The following MYT1 variants were observed in gnomAD, a reference collection of about 807,000 sequenced individuals.
The protein encoded by MYT1 is myelin transcription factor I.
Under a neutral mutation model 123.0 loss-of-function variants are expected in MYT1, and 23 were observed. The ratio of observed to expected loss-of-function variants is 0.19; its 90% CI spans 0.13 to 0.26. The LOEUF is 0.26. Among genes scored for constraint, MYT1 ranks in the 10% least tolerant of loss-of-function variants. The pLI, the probability that MYT1 is intolerant of heterozygous loss-of-function variation, is 1.00. For synonymous variants in MYT1, 518 were observed against 575.3 expected (o/e 0.90, Z 1.43); for missense variants, 1,125 against 1,472.5 (o/e 0.76, Z 3.86).
At chr20:64,236,419 G>T in intron 19 of MYT1, 136 bp from the exon 20 acceptor site, 1 of 684,404 alleles carries the variant, frequency 1.5e-6, no homozygotes, top group Non-Finnish European at 2.6e-6. Context: ...CGTGGTGGGT[G>T]ACCCTGGGAT....
chr20:64,198,728 C>T, intron 2 of MYT1, 134 bp from the exon 3 acceptor site: 1 of 903,960 alleles, frequency 1.1e-6, no homozygotes, highest in East Asian at 2.5e-5. Context: ...TGAGCCCATC[C>T]TTGTCATTCT....
chr20:64,232,862 C>G lies in MYT1; in HGVS notation c.2897+477C>G, dbSNP rs965138033. Among the ~76,000 whole-genome samples, 17 of 150,942 alleles carry G rather than the reference C, an allele frequency of 1.1e-4. No individual in the cohort carries two copies. Among genetic ancestry groups the G allele is most frequent in the Non-Finnish European group, 5.9e-5 (4 of 67,928 alleles). On this transcript the variant is annotated intron_variant, in intron 19 of 22. Transcript: ENST00000328439. This position sits in a 1 kb window ranked among gnomAD's most constrained non-coding sequence, Gnocchi z 6.9. ...TCTTCTTTGAACTCTGGGCAGAGACCCCTGCCTGCCTTGCAAGGGAGCTGG... is the reference window on the plus strand; with the variant it reads ...TCTTCTTTGAACTCTGGGCAGAGACGCCTGCCTGCCTTGCAAGGGAGCTGG...
rs1982899783 is a variant in MYT1 at position 64,189,270 on chromosome 20, C to T, written c.-98-793C>T. On this transcript the variant is annotated intron_variant, in intron 1 of 22. Transcript: ENST00000328439. This position sits in a 1 kb window ranked among gnomAD's most constrained non-coding sequence, Gnocchi z 5.5. ...TCATTTCCTGTTTCATTGTTGGTTA[C>T]TTAATGACCTTCCTTTGAAATGCTG... Among the ~76,000 whole-genome samples the T allele has an allele frequency of 6.6e-6, 1 of 152,232 alleles. No individual in the cohort carries two copies. The highest frequency in any genetic ancestry group is 2.1e-4 in the South Asian group (1 of 4,832).
intron 18 of MYT1, 99 bp downstream of exon 18, chr20:64,228,070 A>G: frequency 8.5e-7 from 1 of 1,172,956 alleles, no homozygotes; most frequent in East Asian, 2.5e-5. Context: ...CCTTTTCATT[A>G]ATACAACGGG....
chr20:64,239,086 G>T (rs1984636932), intron 21 of MYT1, among the ~76,000 whole-genome samples: 1 of 152,218 alleles, frequency 6.6e-6, no homozygotes, highest in South Asian at 2.1e-4. Context: ...TGCCCCCGTG[G>T]CTCCCTGCAG....
chr20:64,198,485 CTG>C (rs1983196092), intron 2 of MYT1, among the ~76,000 whole-genome samples: 1 of 152,076 alleles, frequency 6.6e-6, no homozygotes, highest in African/African-American at 2.4e-5. Flanking sequence ...GGGTGCTGCT[CTG>C]TGTCGGGCCA....
At position 64,202,857 on chromosome 20, in the gene MYT1, T is replaced by C. The variant is rs999113710; in HGVS notation, c.87-2178T>C. Among the ~76,000 whole-genome samples, 9 of 152,042 alleles carry C rather than the reference T, an allele frequency of 5.9e-5. No homozygotes were observed. Among genetic ancestry groups the C allele is most frequent in the African/African-American group, 2.2e-4 (9 of 41,398 alleles). On this transcript the variant is annotated intron_variant, in intron 4 of 22. Transcript: ENST00000328439. This position sits in a 1 kb window ranked among gnomAD's most constrained non-coding sequence, Gnocchi z 5.0. ...GGGGAGTCAAGGCTGGGGAATTCCCTCCTCCCGGAGAAAAGAGGCTCGGGA... is the reference window on the plus strand; with the variant it reads ...GGGGAGTCAAGGCTGGGGAATTCCCCCCTCCCGGAGAAAAGAGGCTCGGGA...
At chr20:64,225,037 A>T (rs1453172974) in intron 16 of MYT1, among the ~76,000 whole-genome samples, 1 of 152,196 alleles carries the variant, frequency 6.6e-6, no homozygotes. Flanking sequence ...CCTGTGTGAA[A>T]GTGAACCGCT....
At position 64,203,720 on chromosome 20, in the gene MYT1, C is replaced by T. The variant is rs1189144054; in HGVS notation, c.87-1315C>T. Among the ~76,000 whole-genome samples the T allele has an allele frequency of 1.3e-5, 2 of 152,296 alleles. No homozygotes were observed. Among genetic ancestry groups the T allele is most frequent in the African/African-American group, 4.8e-5 (2 of 41,562 alleles). ...TGCTGACGGTTCTCCCAGAGGTAGTCGGGGAGGGTGGCCTGCAAGCCCACT... is the reference window on the plus strand; with the variant it reads ...TGCTGACGGTTCTCCCAGAGGTAGTTGGGGAGGGTGGCCTGCAAGCCCACT... On this transcript the variant is annotated intron_variant, in intron 4 of 22. Transcript: ENST00000328439. The surrounding 1 kb of genome is among the most constrained non-coding windows in gnomAD (Gnocchi z 5.1).
At position 64,230,474 on chromosome 20, in the gene MYT1, C is replaced by T. The variant is rs1054344422; in HGVS notation, c.2676-1690C>T. On this transcript the variant is annotated intron_variant, in intron 18 of 22. Transcript: ENST00000328439. ...GTTGCAGTGAGCCAAGATTGTGCCA[C>T]TGCACTCCGGCCTGGGCAACAAGAG... Among the ~76,000 whole-genome samples, 7 of 152,238 alleles carry T rather than the reference C, an allele frequency of 4.6e-5. No homozygotes were observed. The East Asian group carries it at 1.2e-3, about 25-fold the overall frequency.
intron 7 of MYT1, 58 bp from the exon 8 acceptor site, chr20:64,211,148 C>T: frequency 6.4e-7 from 1 of 1,570,616 alleles, no homozygotes; most frequent in Non-Finnish European, 8.7e-7. Context: ...TACCCCTGCC[C>T]CCTCTCTGCT....
chr20:64,218,176 T>G lies in MYT1; in HGVS notation c.1847-735T>G, dbSNP rs922949627. ...CTGCCTCCAGGCACACATGCCTACT[T>G]GGATGAGGGAATGCAATGGTGCCAG... is the stretch of plus-strand genomic sequence containing the variant. On this transcript the variant is annotated intron_variant, in intron 11 of 22. Coordinates refer to ENST00000328439, the MANE Select transcript of MYT1 (RefSeq NM_004535.3). The surrounding 1 kb of genome is among the most constrained non-coding windows in gnomAD (Gnocchi z 4.0). Among the ~76,000 whole-genome samples, 11 of 152,216 alleles carry G rather than the reference T, an allele frequency of 7.2e-5. No individual in the cohort carries two copies. The highest frequency in any genetic ancestry group is 3.2e-3 in the Middle Eastern group (1 of 316).
At chr20:64,195,150 G>A (rs756041267) in intron 2 of MYT1, among the ~76,000 whole-genome samples, 13 of 150,920 alleles carry the variant, frequency 8.6e-5, no homozygotes, top group South Asian at 2.1e-4. Flanking sequence ...CACCATGCCC[G>A]GCCCTGTTTC....
Position 64,223,116 on chromosome 20 carries a change from C to T in MYT1, c.2402C>T (p.Pro801Leu). 6.2e-7 allele frequency: 1 copy of T among 1,614,178 alleles called. No homozygotes were observed. Among genetic ancestry groups the T allele is most frequent in the Non-Finnish European group, 8.5e-7 (1 of 1,180,030 alleles). ...ACTCTTTTTCCTTTGTCCAGCTGTCCCACCCCTGGCTGTGACGGCAGCGGC... is the reference window on the plus strand; with the variant it reads ...ACTCTTTTTCCTTTGTCCAGCTGTCTCACCCCTGGCTGTGACGGCAGCGGC... ...KDIKKELLTC[P>L]TPGCDGSGHI... is the part of the protein sequence containing the mutation. The change falls in exon 15 of 23, where the codon CCC becomes CTC. Residue 801 changes from proline (P) to leucine (L), a missense_variant. Coordinates refer to ENST00000328439, the MANE Select transcript of MYT1 (RefSeq NM_004535.3).
rs770383779 is a variant in MYT1, at chr20:64,221,979, G to A, written c.2328G>A (p.Pro776=). The A allele has an allele frequency of 2.5e-5, 40 of 1,613,476 alleles. 1 individual carries two copies. The Middle Eastern group carries it at 7.1e-4, about 28-fold the overall frequency. ...AGAATTTTGAGGAGCGGAAGTATCCGGGGGAAGTCACCCTGACCAACTTTA... is the reference window on the plus strand; with the variant it reads ...AGAATTTTGAGGAGCGGAAGTATCCAGGGGAAGTCACCCTGACCAACTTTA... The part of the protein sequence containing the change: ...SEENFEERKY[P]GEVTLTNFKL... The change falls in exon 14 of 23, where the codon CCG becomes CCA. Residue 776 remains proline (P), a synonymous_variant. Transcript: ENST00000328439.
chr20:64,183,496 A>T (rs913822625), intron 1 of MYT1, among the ~76,000 whole-genome samples: 4 of 152,198 alleles, frequency 2.6e-5, no homozygotes, highest in African/African-American at 9.6e-5. Flanking sequence ...TCAGCATTCT[A>T]TGAGGGTTCT....
At chr20:64,236,720 C>T in intron 20 of MYT1, 74 bp downstream of exon 20, 1 of 1,329,424 alleles carries the variant, frequency 7.5e-7, no homozygotes, top group Non-Finnish European at 1.1e-6. Context: ...ACCTTTTGTG[C>T]TGGTGGGAAG....
chr20:64,206,444 C>T (rs2145715514), intron 6 of MYT1, among the ~76,000 whole-genome samples: 1 of 152,288 alleles, frequency 6.6e-6, no homozygotes, highest in African/African-American at 2.4e-5. Context: ...GAAGCAGGTG[C>T]TTTGGCCCCT....
chr20:64,235,277 G>T (rs1420089144), intron 19 of MYT1, among the ~76,000 whole-genome samples: 3 of 61,048 alleles, frequency 4.9e-5, no homozygotes, highest in African/African-American at 1.3e-4. Context: ...TGTGTGACCC[G>T]GGGCTGGCCA....
Sources: allele counts gnomAD v4.1 joint callset (sites outside exome capture counted in the v4.1 genomes callset), GRCh38; gene constraint gnomAD v4.1.1; non-coding constraint Gnocchi (gnomAD v3.1); transcripts MANE v1.5; gene names NCBI Gene and HGNC (gene_info 2026-07-23, HGNC 2026-07-21).